The following CNTNAP2 variants were observed in gnomAD, a reference collection of about 807,000 sequenced individuals.
The protein encoded by CNTNAP2 is contactin associated protein 2, also known as contactin-associated protein-like 2.
A neutral mutation model predicts 155.2 loss-of-function variants in CNTNAP2; 98 were observed. That is an observed-to-expected ratio of 0.63 (90% CI 0.54 to 0.75). The LOEUF (loss-of-function observed/expected upper bound fraction) is 0.75. CNTNAP2 is among the 30% of genes least tolerant of loss of function. The pLI, the probability that CNTNAP2 is intolerant of heterozygous loss-of-function variation, is 0.00. For synonymous variants in CNTNAP2, 651 were observed against 631.2 expected (o/e 1.03, Z -0.47); for missense variants, 1,727 against 1,688.1 (o/e 1.02, Z -0.40).
At chr7:146,588,040 CA>C (rs1798723589) in intron 1 of CNTNAP2, among the ~76,000 whole-genome samples, 4 of 147,394 alleles carry the variant, frequency 2.7e-5, no homozygotes, top group African/African-American at 1.0e-4. Context: ...GTGTAAATGT[CA>C]ATGGTATTAG....
intron 16 of CNTNAP2, among the ~76,000 whole-genome samples, chr7:148,126,362 T>A (rs1194709939): frequency 1.3e-5 from 2 of 152,282 alleles, no homozygotes; most frequent in Admixed American, 1.3e-4. Flanking sequence ...AATGAATGAA[T>A]GAGGTGCTAG....
chr7:146,227,647 T>A (rs1215542530), intron 1 of CNTNAP2, among the ~76,000 whole-genome samples: 1 of 151,986 alleles, frequency 6.6e-6, no homozygotes, highest in Non-Finnish European at 1.5e-5. Flanking sequence ...AAAGTGTCAA[T>A]AAAAATAACC....
chr7:147,243,564 C>G (rs1035220619), intron 8 of CNTNAP2, among the ~76,000 whole-genome samples: 1 of 152,102 alleles, frequency 6.6e-6, no homozygotes, highest in Non-Finnish European at 1.5e-5. Flanking sequence ...GGTGGGTACT[C>G]AAGGAGCTCA....
In CNTNAP2 at chr7:148,172,254, G is replaced by A. The variant is rs762363790; in HGVS notation, c.2786G>A (p.Gly929Asp). Residue 929 changes from glycine to aspartate, a missense_variant, in exon 18 of 24, where the codon GGC becomes GAC. Gly to Asp is a moderately conservative substitution (Grantham distance 94). Coordinates refer to ENST00000361727, the MANE Select transcript of CNTNAP2 (RefSeq NM_014141.6). ...CTGTCATTCCCAGGTGGTGCTGGGG[G>A]CCAGCAGGGCTTCCTGGGCTGCATC... ...YSQLFVGGAG[G>D]QQGFLGCIRS... 13 of 1,613,828 alleles carry A rather than the reference G, an allele frequency of 8.1e-6. No homozygotes were observed. Among genetic ancestry groups the A allele is most frequent in the Middle Eastern group, 1.7e-4 (1 of 6,052 alleles).
chr7:146,207,389 A>G (rs564934438), intron 1 of CNTNAP2, among the ~76,000 whole-genome samples: 1 of 152,132 alleles, frequency 6.6e-6, no homozygotes, highest in Non-Finnish European at 1.5e-5. Flanking sequence ...TTTCCATTCA[A>G]GATGTACTGA....
At chr7:147,671,511 A>ATT (rs201215305) in intron 13 of CNTNAP2, among the ~76,000 whole-genome samples, 2 of 151,742 alleles carry the variant, frequency 1.3e-5, no homozygotes, top group Admixed American at 1.3e-4. Context: ...AGAAAAAGAA[A>ATT]TTTTTTTTTG....
chr7:146,638,333 G>A (rs1046423105), intron 1 of CNTNAP2, among the ~76,000 whole-genome samples: 14 of 152,008 alleles, frequency 9.2e-5, no homozygotes, highest in Admixed American at 9.2e-4. Flanking sequence ...AAGTAGGCGG[G>A]ATATGAAGGC....
At chr7:146,795,708 C>T (rs546137815) in intron 2 of CNTNAP2, among the ~76,000 whole-genome samples, 9 of 152,102 alleles carry the variant, frequency 5.9e-5, no homozygotes, top group East Asian at 1.9e-4. Flanking sequence ...GAGGGTTGTC[C>T]GCAGACAAAA....
intron 2 of CNTNAP2, among the ~76,000 whole-genome samples, chr7:146,790,540 CTATCT>C (rs1304041269): frequency 6.6e-6 from 1 of 151,090 alleles, no homozygotes; most frequent in Non-Finnish European, 1.5e-5. Context: ...TTCAGCAAAA[CTATCT>C]TATCTTCGTG....
intron 1 of CNTNAP2, among the ~76,000 whole-genome samples, chr7:146,754,601 A>G (rs994070910): frequency 1.3e-5 from 2 of 150,774 alleles, no homozygotes; most frequent in Admixed American, 6.6e-5. Flanking sequence ...CCTGGCTGCA[A>G]TAATAATACT....
At chr7:146,576,546 G>C (rs1371424236) in intron 1 of CNTNAP2, among the ~76,000 whole-genome samples, 1 of 152,106 alleles carries the variant, frequency 6.6e-6, no homozygotes, top group Non-Finnish European at 1.5e-5. Flanking sequence ...AAAAACGCTG[G>C]AGTTCTTGTG....
intron 3 of CNTNAP2, among the ~76,000 whole-genome samples, chr7:146,997,348 A>C (rs1255270517): frequency 6.6e-6 from 1 of 152,072 alleles, no homozygotes; most frequent in Non-Finnish European, 1.5e-5. Context: ...TTTGTTGTCC[A>C]CTCTGTTAGT....
chr7:148,380,039 A>G (rs1207775783), intron 21 of CNTNAP2, among the ~76,000 whole-genome samples: 1 of 152,216 alleles, frequency 6.6e-6, no homozygotes, highest in Non-Finnish European at 1.5e-5. Flanking sequence ...TTTTAAGTGA[A>G]CTATTTTCTG....
At chr7:146,774,871 T>A (rs1563225533) in intron 2 of CNTNAP2, among the ~76,000 whole-genome samples, 1 of 152,156 alleles carries the variant, frequency 6.6e-6, no homozygotes, top group Non-Finnish European at 1.5e-5. Flanking sequence ...GTGTAAAAAA[T>A]CGTTAGATGT....
chr7:148,106,515 T>C (rs1012815036), intron 15 of CNTNAP2, among the ~76,000 whole-genome samples: 1 of 144,652 alleles, frequency 6.9e-6, no homozygotes, highest in Non-Finnish European at 1.5e-5. Flanking sequence ...TATATATATA[T>C]ATATACATAT....
rs148367254 is a variant in CNTNAP2, at chr7:148,144,285, C to G, written c.2555-3206C>G. ...AGAGTAAGAAATATAATGTCACTCT[C>G]CGGGGCAGAAATTGAGCAAGTTTGC... On this transcript the variant is annotated intron_variant, in intron 16 of 23. Coordinates refer to ENST00000361727, the MANE Select transcript of CNTNAP2 (RefSeq NM_014141.6). Among the ~76,000 whole-genome samples, 101 of 152,252 alleles carry G rather than the reference C, an allele frequency of 6.6e-4. 1 individual carries two copies. The highest frequency in any genetic ancestry group is 2.3e-3 in the African/African-American group (94 of 41,548).
At chr7:148,253,624 G>C (rs962580600) in intron 20 of CNTNAP2, among the ~76,000 whole-genome samples, 1 of 152,142 alleles carries the variant, frequency 6.6e-6, no homozygotes, top group Non-Finnish European at 1.5e-5. Flanking sequence ...AAGATGATTT[G>C]AGTCTTACGC....
chr7:147,239,045 CAAAAG>C lies in CNTNAP2; in HGVS notation c.1349-61093_1349-61089del, dbSNP rs768487782. 1.1e-3 allele frequency among the ~76,000 whole-genome samples: 171 copies of C among 152,042 alleles called. 4 individuals are homozygous for C. The highest frequency in any genetic ancestry group is 4.6e-4 in the Admixed American group (7 of 15,282). ...TGGATAATCTATTTACCATCCAACT[CAAAAG>C]AAGAAAGAAAAAGAGAGTGAGAGTG... On this transcript the variant is annotated intron_variant, in intron 8 of 23. Coordinates refer to ENST00000361727, the MANE Select transcript of CNTNAP2 (RefSeq NM_014141.6).
chr7:146,284,246 A>G (rs1299413679), intron 1 of CNTNAP2, among the ~76,000 whole-genome samples: 2 of 152,214 alleles, frequency 1.3e-5, no homozygotes, highest in East Asian at 1.9e-4. Flanking sequence ...AGCATTGCAC[A>G]ATCTAAAATA....
Sources: gnomAD v4.1 joint callset for allele counts (sites outside exome capture counted in the v4.1 genomes callset) on GRCh38, gnomAD v4.1.1 for gene constraint, MANE v1.5 for transcripts, NCBI Gene and HGNC (gene_info 2026-07-23, HGNC 2026-07-21) for gene names.